CNIH3: variants seen among roughly 807,000 people sequenced by gnomAD.
CNIH3 encodes the protein protein cornichon homolog 3.
CNIH3 carries 14 observed loss-of-function variants against 24.1 expected under a neutral mutation model. The ratio of observed to expected loss-of-function variants is 0.58; its 90% CI spans 0.38 to 0.91. CNIH3 has a LOEUF of 0.91. Ranked by LOEUF, CNIH3 falls within the 40% of genes least tolerant of loss-of-function variation. CNIH3 has a pLI of 0.00. For missense variants in CNIH3, 178 were observed against 196.8 expected (o/e 0.90, Z 0.57); for synonymous variants, 68 against 73.8 (o/e 0.92, Z 0.40).
chr1:224,440,640 G>A (rs1674860945), intron 1 of CNIH3, among the ~76,000 whole-genome samples: 3 of 152,126 alleles, frequency 2.0e-5, no homozygotes, highest in Non-Finnish European at 4.4e-5. Context: ...ATAATATGAT[G>A]CATTTTGATA....
rs77302248 is a variant in CNIH3 at position 224,580,933 on chromosome 1, G to C, written n.517-2231G>C. 4.6e-4 allele frequency among the ~76,000 whole-genome samples: 70 copies of C among 152,246 alleles called. 1 individual carries two copies. The East Asian group carries it at 8.1e-3, about 18-fold the overall frequency. The stretch of plus-strand genomic sequence containing the variant: ...AAGCAGTCAAATATGCATTCATCTT[G>C]GGGTAGATGAGGACAATTCTAGTCT... On this transcript the variant is annotated intron_variant and non_coding_transcript_variant, in intron 4 of 5. Transcript: ENST00000471578.
intron 3 of CNIH3, among the ~76,000 whole-genome samples, chr1:224,560,539 C>CTCCG (rs1203400371): frequency 6.6e-6 from 1 of 152,106 alleles, no homozygotes; most frequent in African/African-American, 2.4e-5. Context: ...ACCACCTAAG[C>CTCCG]TCCGCCTCCT....
intron 1 of CNIH3, among the ~76,000 whole-genome samples, chr1:224,479,466 C>G (rs745320597): frequency 4.6e-5 from 7 of 152,170 alleles, no homozygotes; most frequent in Non-Finnish European, 7.4e-5. Context: ...CCCCCAAAGT[C>G]TTAACTCATT....
chr1:224,713,565 A>C (rs908292785), intron 3 of CNIH3, among the ~76,000 whole-genome samples: 1 of 152,190 alleles, frequency 6.6e-6, no homozygotes. Flanking sequence ...TTATAAAAGC[A>C]CCTACTTCAT....
intron 3 of CNIH3, among the ~76,000 whole-genome samples, chr1:224,711,975 C>T (rs1159934973): frequency 6.6e-6 from 1 of 152,122 alleles, no homozygotes; most frequent in Non-Finnish European, 1.5e-5. Flanking sequence ...TGCATCAGGT[C>T]CCAACTCCTT....
downstream of CNIH3, among the ~76,000 whole-genome samples, chr1:224,589,523 C>T (rs1681660882): frequency 6.6e-6 from 1 of 152,170 alleles, no homozygotes; most frequent in African/African-American, 2.4e-5. Context: ...GGGGTTTGGC[C>T]AGGGCTGCTT....
chr1:224,718,556 G>A (rs1688551855), intron 3 of CNIH3, among the ~76,000 whole-genome samples: 2 of 152,174 alleles, frequency 1.3e-5, no homozygotes, highest in Admixed American at 1.3e-4. Flanking sequence ...TCTAATTTAT[G>A]TTTCAAAAAG....
intron 1 of CNIH3, among the ~76,000 whole-genome samples, chr1:224,627,318 C>A (rs371539431): frequency 1.3e-5 from 2 of 151,922 alleles, no homozygotes; most frequent in Admixed American, 6.6e-5. Flanking sequence ...CCTCTGCCCC[C>A]GGGTTCAAGC....
At chr1:224,574,577 G>C in intron 4 of CNIH3, 1 of 782,082 alleles carries the variant, frequency 1.3e-6, no homozygotes, top group East Asian at 2.4e-5. Context: ...GTGCCCACGT[G>C]TACCAGAATG....
chr1:224,709,645 G>T (rs891739580), intron 3 of CNIH3, among the ~76,000 whole-genome samples: 4 of 152,196 alleles, frequency 2.6e-5, no homozygotes, highest in African/African-American at 9.7e-5. Context: ...CAGTTTAAGG[G>T]CAGGCAAGTC....
Position 224,504,638 on chromosome 1 carries a change from C to G in CNIH3, n.204-11103C>G, listed in dbSNP as rs114111578. ...GTCATGTGTCACTAGTCCAACCCCA[C>G]CTTAATCTTTTTCTGGGTTCTCCTG... is the stretch of plus-strand genomic sequence containing the variant. On this transcript the variant is annotated intron_variant and non_coding_transcript_variant, in intron 1 of 5. Transcript: ENST00000471578. Among the ~76,000 whole-genome samples the G allele has an allele frequency of 5.9e-3, 894 of 152,212 alleles. 5 individuals are homozygous for G. Among genetic ancestry groups the G allele is most frequent in the African/African-American group, 0.02 (838 of 41,536 alleles).
chr1:224,618,513 A>G (rs1362344743), intron 1 of CNIH3, among the ~76,000 whole-genome samples: 1 of 152,254 alleles, frequency 6.6e-6, no homozygotes, highest in Non-Finnish European at 1.5e-5. Context: ...TTGTCTTAAA[A>G]TAGAACTAAG....
chr1:224,731,959 A>G (rs1003723337), intron 4 of CNIH3, among the ~76,000 whole-genome samples: 17 of 152,240 alleles, frequency 1.1e-4, no homozygotes, highest in African/African-American at 4.1e-4. Flanking sequence ...AGGGCCTGAA[A>G]TGATTTGATG....
chr1:224,600,394 G>C (rs955413070), intron 3 of CNIH3, among the ~76,000 whole-genome samples: 2 of 152,204 alleles, frequency 1.3e-5, no homozygotes, highest in South Asian at 2.1e-4. Flanking sequence ...GTTTCTCCTT[G>C]TTGGTCAGGC....
At chr1:224,440,634 TATG>T (rs1215793946) in intron 1 of CNIH3, among the ~76,000 whole-genome samples, 4 of 152,254 alleles carry the variant, frequency 2.6e-5, no homozygotes, top group African/African-American at 9.6e-5. Flanking sequence ...GTGTGCATAA[TATG>T]ATGCATTTTG....
chr1:224,654,840 C>G (rs1039023327), intron 1 of CNIH3, among the ~76,000 whole-genome samples: 2 of 152,200 alleles, frequency 1.3e-5, no homozygotes, highest in Non-Finnish European at 1.5e-5. Context: ...TAATTCCAAT[C>G]CCTATGGTGT....
intron 1 of CNIH3, among the ~76,000 whole-genome samples, chr1:224,647,614 C>T (rs1036614081): frequency 3.3e-5 from 5 of 152,156 alleles, no homozygotes; most frequent in Admixed American, 6.5e-5. Flanking sequence ...TGGGTTAGGG[C>T]CCTGTGGAGA....
chr1:224,586,875 G>C (rs1681532693), intron 5 of CNIH3, among the ~76,000 whole-genome samples: 1 of 152,184 alleles, frequency 6.6e-6, no homozygotes, highest in Non-Finnish European at 1.5e-5. Flanking sequence ...ACAGGCCGAG[G>C]AAACTGGAGA....
At chr1:224,538,993 T>C (rs1009721253), downstream of CNIH3, among the ~76,000 whole-genome samples, 4 of 152,084 alleles carry the variant, frequency 2.6e-5, no homozygotes, top group Non-Finnish European at 5.9e-5. Context: ...AAATGTACCT[T>C]TCCTCAAGTT....
Sources: allele counts gnomAD v4.1 joint callset (sites outside exome capture counted in the v4.1 genomes callset), GRCh38; gene constraint gnomAD v4.1.1; transcripts MANE v1.5; gene names NCBI Gene and HGNC (gene_info 2026-07-23, HGNC 2026-07-21).